The following RFTN1 variants were observed in gnomAD, a reference collection of about 807,000 sequenced individuals.
RFTN1 encodes the protein raftlin.
RFTN1 carries 26 observed loss-of-function variants against 46.5 expected under a neutral mutation model. The observed-to-expected ratio is 0.56, with a 90% CI of 0.41 to 0.78. The LOEUF (loss-of-function observed/expected upper bound fraction) is 0.78. RFTN1 is among the 30% of genes least tolerant of loss of function. The pLI is 0.00. For synonymous variants in RFTN1, 261 were observed against 284.2 expected (o/e 0.92, Z 0.82); for missense variants, 693 against 718.7 (o/e 0.96, Z 0.41).
intron 2 of RFTN1, among the ~76,000 whole-genome samples, chr3:16,491,457 G>A (rs748438435): frequency 3.3e-5 from 5 of 152,192 alleles, no homozygotes; most frequent in East Asian, 3.8e-4. Flanking sequence ...GGGAGGCCAC[G>A]TGGGATATCC....
chr3:16,446,884 T>C lies in RFTN1; in HGVS notation c.146-12847A>G, dbSNP rs1301009216. On this transcript the variant is annotated intron_variant, in intron 2 of 9. Coordinates refer to ENST00000334133, the MANE Select transcript of RFTN1 (RefSeq NM_015150.2). The surrounding 1 kb of genome is among the most constrained non-coding windows in gnomAD (Gnocchi z 4.5). ...ATTTCACACTGGTTTATCAATAAAGTCTTAGGTGAATTTTCAAAAGCTTCT... is the reference window on the plus strand; with the variant it reads ...ATTTCACACTGGTTTATCAATAAAGCCTTAGGTGAATTTTCAAAAGCTTCT... Among the ~76,000 whole-genome samples, 1 of 152,194 alleles carries C rather than the reference T, an allele frequency of 6.6e-6. No individual in the cohort carries two copies. The highest frequency in any genetic ancestry group is 1.5e-5 in the Non-Finnish European group (1 of 68,026).
rs2069221533 is a variant in RFTN1, at chr3:16,322,771, G to GAAAC, written c.1332+604_1332+605insGTTT. ...GCCAGTCTCTGTGCGACTGTTTCTA[G>GAAAC]GGTAGTTCAGAGTCCGGAGAGGGGG... On this transcript the variant is annotated intron_variant, in intron 9 of 9. Coordinates refer to ENST00000334133, the MANE Select transcript of RFTN1 (RefSeq NM_015150.2). This position sits in a 1 kb window ranked among gnomAD's most constrained non-coding sequence, Gnocchi z 6.2. Among the ~76,000 whole-genome samples, 1 of 152,184 alleles carries GAAAC rather than the reference G, an allele frequency of 6.6e-6. No individual in the cohort carries two copies. The highest frequency in any genetic ancestry group is 1.5e-5 in the Non-Finnish European group (1 of 68,030).
rs1470476625 is a variant in RFTN1, at chr3:16,426,395, T to C, written c.332+7456A>G. 6.6e-6 allele frequency among the ~76,000 whole-genome samples: 1 copy of C among 152,198 alleles called. No individual in the cohort carries two copies. The highest frequency in any genetic ancestry group is 1.9e-4 in the East Asian group (1 of 5,204). ...TAAAGAGGACACTTTCGACTGTAAT[T>C]TTTTAAAGGATTTTCTTTTTAGTTT... On this transcript the variant is annotated intron_variant, in intron 3 of 9. Transcript: ENST00000334133. The surrounding 1 kb of genome is among the most constrained non-coding windows in gnomAD (Gnocchi z 5.9).
At position 16,433,736 on chromosome 3, in the gene RFTN1, C is replaced by G. The variant is rs889912269; in HGVS notation, c.332+115G>C. ...TGCCTCACCTGTCTGAGGGCTGAGG[C>G]CCTGAGGACAGCATGCAAATTTCAA... On this transcript the variant is annotated intron_variant, in intron 3 of 9. Coordinates refer to ENST00000334133, the MANE Select transcript of RFTN1 (RefSeq NM_015150.2). This position sits in a 1 kb window ranked among gnomAD's most constrained non-coding sequence, Gnocchi z 4.4. 2 of 1,052,250 alleles carry G rather than the reference C, an allele frequency of 1.9e-6. No homozygotes were observed. Among genetic ancestry groups the G allele is most frequent in the African/African-American group, 1.6e-5 (1 of 64,086 alleles). The allele number at this position is 1,052,250 out of a possible 1,614,324, so 65.2% of individuals were successfully genotyped here.
In RFTN1 at chr3:16,509,353, G is replaced by C. The variant is rs896186770; in HGVS notation, c.-9+4089C>G. 6.6e-6 allele frequency among the ~76,000 whole-genome samples: 1 copy of C among 152,172 alleles called. No individual in the cohort carries two copies. The highest frequency in any genetic ancestry group is 1.5e-5 in the Non-Finnish European group (1 of 68,036). On this transcript the variant is annotated intron_variant, in intron 1 of 9. Transcript: ENST00000334133. The surrounding 1 kb of genome is among the most constrained non-coding windows in gnomAD (Gnocchi z 4.9). Reference sequence around the variant, plus strand: ...GATTTTGCCTTCAAAAAACCAGAATGTCACAGTCTCTTCCCTTAAGGTCTT... The same window carrying C: ...GATTTTGCCTTCAAAAAACCAGAATCTCACAGTCTCTTCCCTTAAGGTCTT...
At position 16,507,619 on chromosome 3, in the gene RFTN1, C is replaced by CACACACACAT. The variant is rs35258603; in HGVS notation, c.-9+5822_-9+5823insATGTGTGTGT. On this transcript the variant is annotated intron_variant, in intron 1 of 9. Coordinates refer to ENST00000334133, the MANE Select transcript of RFTN1 (RefSeq NM_015150.2). This position sits in a 1 kb window ranked among gnomAD's most constrained non-coding sequence, Gnocchi z 7.1. ...TTCAAAACACACACACACACACACACACATACACACACACATGCACACATC... is the reference window on the plus strand; with the variant it reads ...TTCAAAACACACACACACACACACACACACACACATACATACACACACACATGCACACATC... 5.9e-3 allele frequency among the ~76,000 whole-genome samples: 887 copies of CACACACACAT among 150,324 alleles called. 12 individuals are homozygous for CACACACACAT. Among genetic ancestry groups the CACACACACAT allele is most frequent in the African/African-American group, 0.02 (827 of 40,786 alleles).
chr3:16,375,827 G>T (rs1315393215), intron 5 of RFTN1, among the ~76,000 whole-genome samples: 1 of 152,206 alleles, frequency 6.6e-6, no homozygotes, highest in East Asian at 1.9e-4. Context: ...CCCCAGCAGG[G>T]TCTGTTTCTC....
rs935226260 is a variant in RFTN1, at chr3:16,466,959, G to T, written c.145+26766C>A. On this transcript the variant is annotated intron_variant, in intron 2 of 9. Transcript: ENST00000334133. This position sits in a 1 kb window ranked among gnomAD's most constrained non-coding sequence, Gnocchi z 5.6. ...TTGAAGAGGAGATGGTTAGTAGGGGGATGGATGCAAAGGCCAGATGTGGGA... is the reference window on the plus strand; with the variant it reads ...TTGAAGAGGAGATGGTTAGTAGGGGTATGGATGCAAAGGCCAGATGTGGGA... Among the ~76,000 whole-genome samples the T allele has an allele frequency of 2.0e-5, 3 of 152,238 alleles. No homozygotes were observed. The highest frequency in any genetic ancestry group is 4.4e-5 in the Non-Finnish European group (3 of 68,044).
intron 2 of RFTN1, among the ~76,000 whole-genome samples, chr3:16,438,058 T>C (rs1413045342): frequency 1.3e-5 from 2 of 152,294 alleles, no homozygotes; most frequent in South Asian, 2.1e-4. Context: ...TCTCCTTTGA[T>C]AAAACTATAT....
chr3:16,318,824 C>A (rs1463522933), intron 9 of RFTN1, among the ~76,000 whole-genome samples: 1 of 152,212 alleles, frequency 6.6e-6, no homozygotes, highest in Non-Finnish European at 1.5e-5. Flanking sequence ...CGTACTGTAG[C>A]TGACAGACTT....
chr3:16,359,544 T>A (rs2072694881), intron 6 of RFTN1, among the ~76,000 whole-genome samples: 1 of 151,968 alleles, frequency 6.6e-6, no homozygotes, highest in Non-Finnish European at 1.5e-5. Flanking sequence ...TCCTGGCGTG[T>A]GTAAAGAGGA....
In RFTN1 at chr3:16,358,448, C is replaced by CT. The variant is rs372870244; in HGVS notation, c.1031-402dup. Among the ~76,000 whole-genome samples the CT allele has an allele frequency of 9.2e-3, 1,337 of 145,448 alleles. 8 individuals are homozygous for CT. Among genetic ancestry groups the CT allele is most frequent in the African/African-American group, 0.026 (1,028 of 39,574 alleles). On this transcript the variant is annotated intron_variant, in intron 6 of 9. Transcript: ENST00000334133. Reference sequence around the variant, plus strand: ...GGTGAGGGTTTTTTTTTTCTTTTTTCTTTTTTTTTAAAGGGAAGAGATATA... The same window carrying CT: ...GGTGAGGGTTTTTTTTTTCTTTTTTCTTTTTTTTTTAAAGGGAAGAGATATA...
At chr3:16,350,822 C>A (rs2072048481) in intron 7 of RFTN1, among the ~76,000 whole-genome samples, 1 of 152,082 alleles carries the variant, frequency 6.6e-6, no homozygotes, top group African/African-American at 2.4e-5. Context: ...AGACTATGAT[C>A]TCAGAACCAA....
In RFTN1 at chr3:16,329,990, A is replaced by G. The variant is rs1010325403; in HGVS notation, c.1147-3114T>C. On this transcript the variant is annotated intron_variant, in intron 7 of 9. Transcript: ENST00000334133. The surrounding 1 kb of genome is among the most constrained non-coding windows in gnomAD (Gnocchi z 4.5). ...GACAGACTGCAAACCGGCTGCTTCT[A>G]TTTTGCTCCGTTTTATTTCATTTTG... Among the ~76,000 whole-genome samples, 3 of 152,228 alleles carry G rather than the reference A, an allele frequency of 2.0e-5. No individual in the cohort carries two copies. The highest frequency in any genetic ancestry group is 6.5e-5 in the Admixed American group (1 of 15,284).
chr3:16,430,220 C>T (rs189507423), intron 3 of RFTN1, among the ~76,000 whole-genome samples: 4 of 152,246 alleles, frequency 2.6e-5, no homozygotes, highest in Non-Finnish European at 5.9e-5. Context: ...AAGTAATCCT[C>T]CCACCTCAGC....
At chr3:16,495,847 G>T (rs973473917) in intron 1 of RFTN1, among the ~76,000 whole-genome samples, 3 of 152,232 alleles carry the variant, frequency 2.0e-5, no homozygotes, top group Non-Finnish European at 4.4e-5. Context: ...CTGGATTTAA[G>T]CCCCTGCATC....
rs2076921144 is a variant in RFTN1 at position 16,512,658 on chromosome 3, T to TGC, written c.-9+782_-9+783dup. Reference sequence around the variant, plus strand: ...CACCAGCCCTGGCCTAGGACTGGGGTGCGCGTGCCTGACAACGGGGCTTCC... The same window carrying TGC: ...CACCAGCCCTGGCCTAGGACTGGGGTGCGCGCGTGCCTGACAACGGGGCTTCC... On this transcript the variant is annotated intron_variant, in intron 1 of 9. Transcript: ENST00000334133. The surrounding 1 kb of genome is among the most constrained non-coding windows in gnomAD (Gnocchi z 4.3). 6.6e-6 allele frequency: 1 copy of TGC among 152,314 alleles called. No individual in the cohort carries two copies. The highest frequency in any genetic ancestry group is 2.4e-5 in the African/African-American group (1 of 41,396). 9.4% of individuals were successfully genotyped at this position (152,314 alleles called of 1,614,324 possible).
chr3:16,367,094 A>G (rs1208392916), intron 6 of RFTN1, among the ~76,000 whole-genome samples: 2 of 152,252 alleles, frequency 1.3e-5, no homozygotes, highest in Non-Finnish European at 2.9e-5. Flanking sequence ...TATGGGACAC[A>G]GTTCTCATGA....
chr3:16,366,253 C>A (rs73039496), intron 6 of RFTN1, among the ~76,000 whole-genome samples: 14,145 of 151,336 alleles, frequency 0.093, 794 homozygotes, highest in South Asian at 0.15. Context: ...TCAGCCTCCT[C>A]GCTGGGTCTT....
Sources: gnomAD v4.1 joint callset for allele counts (sites outside exome capture counted in the v4.1 genomes callset) on GRCh38, gnomAD v4.1.1 for gene constraint, Gnocchi (gnomAD v3.1) non-coding constraint, MANE v1.5 for transcripts, NCBI Gene and HGNC (gene_info 2026-07-23, HGNC 2026-07-21) for gene names.